The following TEX14 variants were observed in gnomAD, a reference collection of about 807,000 sequenced individuals.
TEX14 encodes the protein testis expressed 14, intercellular bridge forming factor, also known as inactive serine/threonine-protein kinase TEX14.
TEX14 carries 168 observed loss-of-function variants against 178.6 expected under a neutral mutation model. The observed-to-expected ratio is 0.94, with a 90% confidence interval of 0.83 to 1.07. TEX14 has a LOEUF of 1.07. TEX14 is among the 50% of genes least tolerant of loss of function. TEX14 has a pLI of 0.00. For missense variants in TEX14, 1,730 were observed against 1,753.6 expected (o/e 0.99, Z 0.24); for synonymous variants, 626 against 634.1 (o/e 0.99, Z 0.19).
intron 1 of TEX14, among the ~76,000 whole-genome samples, chr17:58,681,982 T>C (rs1466410095): frequency 6.6e-6 from 1 of 152,164 alleles, no homozygotes; most frequent in Non-Finnish European, 1.5e-5. Flanking sequence ...TTCAGAAGAT[T>C]TGTGACTAGC....
chr17:58,666,758 A>G (rs2047220251), intron 1 of TEX14: 1 of 152,140 alleles, frequency 6.6e-6, no homozygotes, highest in African/African-American at 2.4e-5. Context: ...AGTGCGGGTA[A>G]CTCCTGAAAT....
intron 29 of TEX14, 94 bp from the exon 30 acceptor site, chr17:58,559,656 C>T: frequency 1.4e-6 from 1 of 704,286 alleles, no homozygotes. Context: ...ACAACAACAA[C>T]AACAACAAAA....
At chr17:58,615,110 T>C in intron 8 of TEX14, 122 bp downstream of exon 8, 1 of 618,844 alleles carries the variant, frequency 1.6e-6, no homozygotes, top group Non-Finnish European at 2.9e-6. Flanking sequence ...ATTTCAACAG[T>C]CAGGAAATGC....
chr17:58,659,639 GA>G (rs957743675), intron 1 of TEX14, among the ~76,000 whole-genome samples: 23 of 152,316 alleles, frequency 1.5e-4, no homozygotes, highest in African/African-American at 5.3e-4. Flanking sequence ...TGTGTGATAA[GA>G]AATTTTTTTT....
In TEX14 at chr17:58,577,456, C is replaced by A; in HGVS notation, c.3239G>T (p.Gly1080Val). The change falls in exon 21 of 32, where the codon GGT becomes GTT. Residue 1080 changes from glycine (G) to valine (V), a missense_variant and splice_region_variant. Physicochemically the swap from Gly to Val is moderately radical, Grantham distance 109 (BLOSUM62 -3). Coordinates refer to ENST00000349033, the MANE Select transcript of TEX14 (RefSeq NM_031272.5). ...TTTTCTCATTTGGAACTTTTCCTCA[C>A]CTGAAAGAATAAAGTTAAAAATATA... ...QGAFAQPQVS[G>V]EEKFQMRKIL... 2 of 1,364,802 alleles carry A rather than the reference C, an allele frequency of 1.5e-6. No homozygotes were observed. Among genetic ancestry groups the A allele is most frequent in the Non-Finnish European group, 2.0e-6 (2 of 1,010,910 alleles). 84.5% of individuals were successfully genotyped at this position (1,364,802 alleles called of 1,614,324 possible). A position where few individuals can be genotyped will look rare whatever the true frequency, so the allele number is the denominator to read the frequency against.
rs1253972580 is a variant in TEX14 at position 58,599,075 on chromosome 17, TC to T, written c.2269del (p.Glu757LysfsTer4). The T allele has an allele frequency of 6.2e-7, 1 of 1,614,192 alleles. No homozygotes were observed. Among genetic ancestry groups the T allele is most frequent in the Non-Finnish European group, 8.5e-7 (1 of 1,180,014 alleles). Reference protein sequence around the residue: ...RLRNIEQILDEVEMKQKEQEE... With the variant: ...RLRNIEQILDXVEMKQKEQEE... ...CTGTTCCTTCTGTTTCATCTCGACT[TC>T]ATCTAATATCTGCTCGATATTCCTC... On this transcript the variant is annotated frameshift_variant, in exon 14 of 32. Coordinates refer to ENST00000349033, the MANE Select transcript of TEX14 (RefSeq NM_031272.5). LOFTEE classifies it high-confidence loss of function.
chr17:58,580,017 T>C (rs1200153540), intron 19 of TEX14, among the ~76,000 whole-genome samples: 1 of 152,222 alleles, frequency 6.6e-6, no homozygotes, highest in Non-Finnish European at 1.5e-5. Context: ...AAAGATATTT[T>C]GGTTCTTGGG....
At chr17:58,643,735 G>A (rs2046627036) in intron 2 of TEX14, among the ~76,000 whole-genome samples, 1 of 151,612 alleles carries the variant, frequency 6.6e-6, no homozygotes, top group African/African-American at 2.4e-5. Flanking sequence ...AGCCAGGTGT[G>A]GTGATGCACG....
intron 24 of TEX14, among the ~76,000 whole-genome samples, chr17:58,571,459 A>C (rs983518146): frequency 3.9e-5 from 6 of 151,914 alleles, no homozygotes; most frequent in African/African-American, 1.5e-4. Context: ...GCTGGTCTCA[A>C]ACTCCTGAAA....
Position 58,569,087 on chromosome 17 carries a change from C to G in TEX14, c.3886+105G>C. 2 of 918,136 alleles carry G rather than the reference C, an allele frequency of 2.2e-6. No homozygotes were observed. Among genetic ancestry groups the G allele is most frequent in the Non-Finnish European group, 3.2e-6 (2 of 620,782 alleles). The allele number at this position is 918,136 out of a possible 1,614,324, so 56.9% of individuals were successfully genotyped here. A position where few individuals can be genotyped will look rare whatever the true frequency, so the allele number is the denominator to read the frequency against. ...TCCTATATTCAACCAGGCCATCATA[C>G]AGCCTTTTATACTAGTGTTCACACT... On this transcript the variant is annotated intron_variant, in intron 26 of 31. Coordinates refer to ENST00000349033, the MANE Select transcript of TEX14 (RefSeq NM_031272.5). This position sits in a 1 kb window ranked among gnomAD's most constrained non-coding sequence, Gnocchi z 4.1.
At chr17:58,557,113 C>G in intron 31 of TEX14, 66 bp from the exon 32 acceptor site, 1 of 1,232,004 alleles carries the variant, frequency 8.1e-7, no homozygotes, top group South Asian at 1.2e-5. Context: ...TTTTTAAAGA[C>G]ACAAACCACA....
intron 14 of TEX14, among the ~76,000 whole-genome samples, chr17:58,595,844 TTTG>T (rs1449230449): frequency 2.0e-5 from 3 of 152,246 alleles, no homozygotes; most frequent in Non-Finnish European, 4.4e-5. Flanking sequence ...GGTTTTGGGC[TTTG>T]TTGTTGTTGC....
intron 22 of TEX14, 49 bp from the exon 23 acceptor site, chr17:58,573,357 T>C (rs376451015): frequency 9.4e-5 from 148 of 1,576,508 alleles, no homozygotes; most frequent in Non-Finnish European, 1.2e-4. Context: ...ACTAGAAAAA[T>C]CAAACAATAT....
chr17:58,602,511 G>A lies in TEX14; in HGVS notation c.1416C>T (p.Val472=). 1 of 1,613,964 alleles carries A rather than the reference G, an allele frequency of 6.2e-7. No homozygotes were observed. Among genetic ancestry groups the A allele is most frequent in the Non-Finnish European group, 8.5e-7 (1 of 1,180,004 alleles). Residue 472 remains valine (V), a synonymous_variant, in exon 12 of 32, where the codon GTC becomes GTT. Coordinates refer to ENST00000349033, the MANE Select transcript of TEX14 (RefSeq NM_031272.5). The part of the protein sequence containing the change: ...VVSGNYLEAD[V]RLPKPYYDIV... ...TATCATAGTAAGGTTTCGGAAGCCTGACATCAGCTTCTAAATAATTCCCCG... is the reference window on the plus strand; with the variant it reads ...TATCATAGTAAGGTTTCGGAAGCCTAACATCAGCTTCTAAATAATTCCCCG...
At chr17:58,637,565 TG>T (rs748159356) in intron 2 of TEX14, among the ~76,000 whole-genome samples, 1 of 152,178 alleles carries the variant, frequency 6.6e-6, no homozygotes, top group African/African-American at 2.4e-5. Context: ...CCAAAAGGAC[TG>T]GGTTGGGAAG....
At chr17:58,606,296 C>T (rs992227655) in intron 10 of TEX14, among the ~76,000 whole-genome samples, 2 of 152,118 alleles carry the variant, frequency 1.3e-5, no homozygotes, top group Admixed American at 1.3e-4. Flanking sequence ...AGCCATAAAG[C>T]GCTCTTTCAT....
At chr17:58,594,026 G>A (rs1043028293) in intron 14 of TEX14, among the ~76,000 whole-genome samples, 1 of 152,034 alleles carries the variant, frequency 6.6e-6, no homozygotes, top group Non-Finnish European at 1.5e-5. Context: ...GTAGAGACAG[G>A]GTTTCACCAT....
chr17:58,619,695 A>C (rs368411827), intron 5 of TEX14, among the ~76,000 whole-genome samples: 4 of 151,224 alleles, frequency 2.6e-5, no homozygotes, highest in African/African-American at 9.7e-5. Context: ...CCAGCTACTA[A>C]GGAGGCTGAG....
intron 13 of TEX14, among the ~76,000 whole-genome samples, chr17:58,600,365 T>C (rs1206163484): frequency 1.3e-5 from 2 of 151,644 alleles, no homozygotes; most frequent in African/African-American, 4.8e-5. Flanking sequence ...GTGACCACCA[T>C]GGCCTGACCA....
Sources: allele counts gnomAD v4.1 joint callset (sites outside exome capture counted in the v4.1 genomes callset), GRCh38; gene constraint gnomAD v4.1.1; non-coding constraint Gnocchi (gnomAD v3.1); transcripts MANE v1.5; gene names NCBI Gene and HGNC (gene_info 2026-07-23, HGNC 2026-07-21).